HIVEP3: variants seen among roughly 807,000 people sequenced by gnomAD.
The protein encoded by HIVEP3 is transcription factor HIVEP3.
Under a neutral mutation model 152.8 loss-of-function variants are expected in HIVEP3, and 49 were observed. The ratio of observed to expected loss-of-function variants is 0.32; its 90% CI spans 0.26 to 0.41. The LOEUF is 0.41. Ranked by LOEUF, HIVEP3 falls within the 10% of genes least tolerant of loss-of-function variation. The pLI, the probability that HIVEP3 is intolerant of heterozygous loss-of-function variation, is 1.00. For missense variants in HIVEP3, 2,790 were observed against 3,103.3 expected, an observed-to-expected ratio of 0.90 and a Z score of 2.40; for synonymous variants, 1,269 against 1,289.0, an observed-to-expected ratio of 0.98 and a Z score of 0.33.
chr1:42,004,122 TG>T (rs1214525643), intron 1 of HIVEP3, among the ~76,000 whole-genome samples: 1 of 151,982 alleles, frequency 6.6e-6, no homozygotes, highest in Non-Finnish European at 1.5e-5. Context: ...ACCAACCAGG[TG>T]GTGGAGCAGG....
chr1:41,763,900 A>C (rs761561091), intron 1 of HIVEP3, among the ~76,000 whole-genome samples: 1 of 152,250 alleles, frequency 6.6e-6, no homozygotes, highest in Non-Finnish European at 1.5e-5. Context: ...ATCAGTGAAG[A>C]CTTCATCAGA....
intron 1 of HIVEP3, among the ~76,000 whole-genome samples, chr1:41,768,244 A>G (rs1253591099): frequency 1.3e-5 from 2 of 152,232 alleles, no homozygotes; most frequent in Non-Finnish European, 2.9e-5. Flanking sequence ...TGCAAATCAC[A>G]TCTTACATGG....
At chr1:41,884,788 A>C (rs1644317210) in intron 1 of HIVEP3, among the ~76,000 whole-genome samples, 1 of 149,284 alleles carries the variant, frequency 6.7e-6, no homozygotes, top group African/African-American at 2.5e-5. Flanking sequence ...CTGCTCCAGC[A>C]CCCCCACCCA....
At chr1:41,786,490 C>G (rs1449414239) in intron 1 of HIVEP3, among the ~76,000 whole-genome samples, 2 of 152,232 alleles carry the variant, frequency 1.3e-5, no homozygotes, top group Non-Finnish European at 2.9e-5. Context: ...CTGCAAACTA[C>G]AGCCCACAAG....
intron 1 of HIVEP3, among the ~76,000 whole-genome samples, chr1:41,830,947 G>A (rs1195403832): frequency 6.6e-6 from 1 of 152,188 alleles, no homozygotes; most frequent in South Asian, 2.1e-4. Flanking sequence ...TACTATCTCA[G>A]AGATGACTTC....
chr1:41,611,222 G>A (rs997380503), intron 3 of HIVEP3, among the ~76,000 whole-genome samples: 2 of 152,192 alleles, frequency 1.3e-5, no homozygotes, highest in African/African-American at 4.8e-5. Context: ...GGATGATAAC[G>A]TAACCCAGGC....
intron 1 of HIVEP3, among the ~76,000 whole-genome samples, chr1:41,794,202 A>G (rs1478772021): frequency 6.6e-6 from 1 of 152,230 alleles, no homozygotes; most frequent in East Asian, 1.9e-4. Context: ...GACGGCTTAC[A>G]TGGTAGCAGG....
chr1:41,760,940 C>T (rs1184080866), intron 1 of HIVEP3, among the ~76,000 whole-genome samples: 1 of 152,196 alleles, frequency 6.6e-6, no homozygotes, highest in Admixed American at 6.5e-5. Flanking sequence ...CCCCACTTTA[C>T]CTGTCCTCTC....
At chr1:41,950,195 A>G (rs1358756430) in intron 1 of HIVEP3, among the ~76,000 whole-genome samples, 1 of 152,224 alleles carries the variant, frequency 6.6e-6, no homozygotes, top group Non-Finnish European at 1.5e-5. Flanking sequence ...AGCATAATGG[A>G]AGGGACAATG....
chr1:41,707,945 C>T (rs1008085050), intron 1 of HIVEP3, among the ~76,000 whole-genome samples: 5 of 152,236 alleles, frequency 3.3e-5, no homozygotes, highest in Admixed American at 1.3e-4. Context: ...TGGGGTTTGA[C>T]CTTCAATTCA....
intron 1 of HIVEP3, among the ~76,000 whole-genome samples, chr1:41,816,470 T>G (rs1197727377): frequency 6.6e-6 from 1 of 152,120 alleles, no homozygotes; most frequent in East Asian, 1.9e-4. Flanking sequence ...GTAGATTACT[T>G]GAGGTCAGGA....
intron 1 of HIVEP3, among the ~76,000 whole-genome samples, chr1:41,761,571 T>C (rs974383000): frequency 1.3e-5 from 2 of 152,232 alleles, no homozygotes; most frequent in Non-Finnish European, 2.9e-5. Context: ...TGTGCCTGTA[T>C]ATACATGTGT....
intron 3 of HIVEP3, among the ~76,000 whole-genome samples, chr1:41,610,384 C>T (rs536888711): frequency 1.3e-5 from 2 of 152,330 alleles, no homozygotes; most frequent in African/African-American, 4.8e-5. Context: ...GGACAGGGTT[C>T]TTTTAGGCCA....
At chr1:41,572,789 T>C (rs1289390743) in intron 5 of HIVEP3, among the ~76,000 whole-genome samples, 1 of 152,250 alleles carries the variant, frequency 6.6e-6, no homozygotes, top group Non-Finnish European at 1.5e-5. Flanking sequence ...GCTTACTGAT[T>C]CATGATGAAC....
At chr1:41,903,894 C>CA (rs1644666824) in intron 1 of HIVEP3, among the ~76,000 whole-genome samples, 1 of 120,292 alleles carries the variant, frequency 8.3e-6, no homozygotes, top group Non-Finnish European at 1.7e-5. Flanking sequence ...GACCATTTTC[C>CA]TTTTTTTTTC....
At chr1:41,906,228 G>T (rs543028441) in intron 1 of HIVEP3, among the ~76,000 whole-genome samples, 158 of 152,094 alleles carry the variant, frequency 1.0e-3, no homozygotes, top group South Asian at 7.7e-3. Flanking sequence ...AGAATCACTT[G>T]AACCTGGGAG....
chr1:41,709,635 C>T (rs1646484264), intron 1 of HIVEP3, among the ~76,000 whole-genome samples: 1 of 152,194 alleles, frequency 6.6e-6, no homozygotes, highest in Admixed American at 6.5e-5. Flanking sequence ...GATCGCCAGT[C>T]AGGGGCTCAC....
chr1:41,679,836 C>T (rs917498194), intron 2 of HIVEP3, among the ~76,000 whole-genome samples: 11 of 152,228 alleles, frequency 7.2e-5, no homozygotes, highest in Admixed American at 3.3e-4. Context: ...CTGGGCTTGC[C>T]TCTACTCGCT....
In HIVEP3 at chr1:41,581,827, A is replaced by T; in HGVS notation, c.2971T>A (p.Ser991Thr). The T allele has an allele frequency of 6.3e-7, 1 of 1,591,670 alleles. No homozygotes were observed. Among genetic ancestry groups the T allele is most frequent in the South Asian group, 1.2e-5 (1 of 86,748 alleles). ...ACGTTGGGGCTCTGCTCTGAGGCTG[A>T]CCTCCGCATCTCTCGGGCATGTGGG... ...HHPHAREMRR[S>T]ASEQSPNVSH... Residue 991 changes from serine (S) to threonine (T), a missense_variant, in exon 4 of 9, where the codon TCA becomes ACA. By Grantham distance (58) the Ser-to-Thr change is moderately conservative (BLOSUM62 1). This residue lies in a region of HIVEP3 where 1,078 missense variants were observed against 1,165.3 expected (regional missense o/e 0.93). Coordinates refer to ENST00000372583, the MANE Select transcript of HIVEP3 (RefSeq NM_024503.5). The surrounding 1 kb of genome is among the most constrained non-coding windows in gnomAD (Gnocchi z 4.5).
Sources: gnomAD v4.1 joint callset for allele counts (sites outside exome capture counted in the v4.1 genomes callset) on GRCh38, gnomAD v4.1.1 for gene constraint, gnomAD v4.1.1 regional missense constraint, Gnocchi (gnomAD v3.1) non-coding constraint, MANE v1.5 for transcripts, NCBI Gene and HGNC (gene_info 2026-07-23, HGNC 2026-07-21) for gene names.